EXOSC6: variants seen among roughly 807,000 people sequenced by gnomAD.
EXOSC6 encodes exosome component 6.
EXOSC6 carries 21 observed loss-of-function variants against 16.7 expected under a neutral mutation model. The observed-to-expected ratio is 1.26, with a 90% CI of 0.89 to 1.82. The LOEUF is 1.82. Ranked by LOEUF, EXOSC6 falls within the 40% of genes most tolerant of loss-of-function variation. The probability of loss-of-function intolerance (pLI) is 0.00; values close to 1 mark genes in which losing one functional copy is unlikely to be tolerated. For synonymous variants in EXOSC6, 297 were observed against 217.1 expected, an observed-to-expected ratio of 1.37 and a Z score of -3.24; for missense variants, 538 against 415.7, an observed-to-expected ratio of 1.29 and a Z score of -2.56.
Position 70,246,806 on chromosome 16 carries a change from T to C in EXOSC6, c.*4276A>G. 5 of 583,052 alleles carry C rather than the reference T, an allele frequency of 8.6e-6. No homozygotes were observed. The South Asian group carries it at 1.0e-4, about 12-fold the overall frequency. The allele number at this position is 583,052 out of a possible 1,614,324, so 36.1% of individuals were successfully genotyped here. The stretch of plus-strand genomic sequence containing the variant: ...CTGACAACAATGAAATAGTTTATTT[T>C]CTTCAAATATTTTAAGGTACGAACG... On this transcript the variant is annotated 3_prime_UTR_variant, in exon 1 of 1. Coordinates refer to ENST00000435634, the MANE Select transcript of EXOSC6 (RefSeq NM_058219.3).
chr16:70,251,336 G>A lies in EXOSC6; in HGVS notation c.565C>T (p.Pro189Ser), dbSNP rs903686665. ...AGGAGCCAGGTGGGCGCGGGCCCCGGCGCGAGGCTGAGGCCGCAGCCCACC... is the reference window on the plus strand; with the variant it reads ...AGGAGCCAGGTGGGCGCGGGCCCCGACGCGAGGCTGAGGCCGCAGCCCACC... ...LVVGCGLSLA[P>S]GPAPTWLLDP... Residue 189 changes from proline (P) to serine (S), a missense_variant, in exon 1 of 1, where the codon CCG becomes TCG. Transcript: ENST00000435634. The A allele has an allele frequency of 5.8e-6, 8 of 1,380,082 alleles. No individual in the cohort carries two copies. In the African/African-American group the frequency reaches 1.2e-4, roughly 21 times the overall value. 85.5% of individuals were successfully genotyped at this position (1,380,082 alleles called of 1,614,324 possible).
rs544145339 is a variant in EXOSC6, at chr16:70,246,874, T to A, written c.*4208A>T. The A allele has an allele frequency of 3.5e-6, 2 of 574,474 alleles. No homozygotes were observed. The highest frequency in any genetic ancestry group is 6.3e-6 in the Non-Finnish European group (2 of 318,198). The allele number at this position is 574,474 out of a possible 1,614,324, so 35.6% of individuals were successfully genotyped here. A position where few individuals can be genotyped will look rare whatever the true frequency, so the allele number is the denominator to read the frequency against. On this transcript the variant is annotated 3_prime_UTR_variant, in exon 1 of 1. Transcript: ENST00000435634. ...GCATTTAACCCTGGAACCTCAAATA[T>A]CACTGATTATACTCAAAGGAGCAGA...
chr16:70,251,805 G>T lies in EXOSC6; in HGVS notation c.96C>A (p.Asp32Glu). 6.6e-7 allele frequency: 1 copy of T among 1,517,572 alleles called. No homozygotes were observed. Among genetic ancestry groups the T allele is most frequent in the Non-Finnish European group, 8.8e-7 (1 of 1,142,708 alleles). The allele number at this position is 1,517,572 out of a possible 1,614,324, so 94.0% of individuals were successfully genotyped here. The change falls in exon 1 of 1, where the codon GAC becomes GAA. Residue 32 changes from aspartate (D) to glutamate (E), a missense_variant. By Grantham distance (45) the Asp-to-Glu change is conservative. Coordinates refer to ENST00000435634, the MANE Select transcript of EXOSC6 (RefSeq NM_058219.3). ...CGTACACGGGCCGTAGCCGCGTTGG[G>T]TCGCGGGTGCCGGGCGCCTCCTCCT... is the stretch of plus-strand genomic sequence containing the variant. The part of the protein sequence containing the change: ...ADEEEAPGTR[D>E]PTRLRPVYAR...
chr16:70,250,995 C>G lies in EXOSC6; in HGVS notation c.*87G>C, dbSNP rs1029261091. The stretch of plus-strand genomic sequence containing the variant: ...AGGGCCCTTCCAGGAATTCTCGACG[C>G]AAACTGGAGGCCGATGGCGCGGGTC... On this transcript the variant is annotated 3_prime_UTR_variant, in exon 1 of 1. Transcript: ENST00000435634. 3.4e-5 allele frequency: 48 copies of G among 1,404,200 alleles called. No homozygotes were observed. Among genetic ancestry groups the G allele is most frequent in the Non-Finnish European group, 4.2e-5 (45 of 1,082,300 alleles). The allele number at this position is 1,404,200 out of a possible 1,614,324, so 87.0% of individuals were successfully genotyped here. A position where few individuals can be genotyped will look rare whatever the true frequency, so the allele number is the denominator to read the frequency against.
In EXOSC6 at chr16:70,250,258, G is replaced by A. The variant is rs920834946; in HGVS notation, c.*824C>T. 3.9e-5 allele frequency: 6 copies of A among 151,972 alleles called. No homozygotes were observed. The highest frequency in any genetic ancestry group is 8.8e-5 in the Non-Finnish European group (6 of 68,024). 9.4% of individuals were successfully genotyped at this position (151,972 alleles called of 1,614,324 possible). On this transcript the variant is annotated 3_prime_UTR_variant, in exon 1 of 1. Coordinates refer to ENST00000435634, the MANE Select transcript of EXOSC6 (RefSeq NM_058219.3). ...ATCTCTACATTTTTTTTACTCAATC[G>A]ACCCTGAATGCTACAGCATTATCCA...
rs1191303589 is a variant in EXOSC6, at chr16:70,251,233, G to A, written c.668C>T (p.Ala223Val). Residue 223 changes from alanine (A) to valine (V), a missense_variant, in exon 1 of 1, where the codon GCC (alanine) becomes GTC (valine). Coordinates refer to ENST00000435634, the MANE Select transcript of EXOSC6 (RefSeq NM_058219.3). ...VALMPVLNQV[A>V]GLLGSGEGGL... ...GCCCTCGCCGCTGCCCAGCAGCCCG[G>A]CCACCTGATTCAGCACAGGCATGAG... 2.7e-6 allele frequency: 4 copies of A among 1,506,016 alleles called. No individual in the cohort carries two copies. Among genetic ancestry groups the A allele is most frequent in the East Asian group, 2.7e-5 (1 of 36,900 alleles). The allele number at this position is 1,506,016 out of a possible 1,614,324, so 93.3% of individuals were successfully genotyped here.
At position 70,249,014 on chromosome 16, in the gene EXOSC6, T is replaced by TAAAAAAAAA. The variant is rs34420744; in HGVS notation, c.*2059_*2067dup. 9.3e-4 allele frequency: 96 copies of TAAAAAAAAA among 103,332 alleles called. No individual in the cohort carries two copies. Among genetic ancestry groups the TAAAAAAAAA allele is most frequent in the African/African-American group, 3.5e-3 (87 of 24,894 alleles). The allele number at this position is 103,332 out of a possible 1,614,324, so 6.4% of individuals were successfully genotyped here. A position where few individuals can be genotyped will look rare whatever the true frequency, so the allele number is the denominator to read the frequency against. On this transcript the variant is annotated 3_prime_UTR_variant, in exon 1 of 1. Transcript: ENST00000435634. The stretch of plus-strand genomic sequence containing the variant: ...CCAAAATAAAGCATATCAAAAACTG[T>TAAAAAAAAA]AAAAAAAAAAAAAAAAAACCCTAAT...
chr16:70,247,025 T>C lies in EXOSC6; in HGVS notation c.*4057A>G. On this transcript the variant is annotated 3_prime_UTR_variant, in exon 1 of 1. Coordinates refer to ENST00000435634, the MANE Select transcript of EXOSC6 (RefSeq NM_058219.3). ...TGTGGAGAAAACAAGCAAATTAGGTTATTTACTAAGTGACTACATAAAAAA... is the reference window on the plus strand; with the variant it reads ...TGTGGAGAAAACAAGCAAATTAGGTCATTTACTAAGTGACTACATAAAAAA... 1 of 463,240 alleles carries C rather than the reference T, an allele frequency of 2.2e-6. No individual in the cohort carries two copies. The highest frequency in any genetic ancestry group is 4.1e-6 in the Non-Finnish European group (1 of 241,044). The allele number at this position is 463,240 out of a possible 1,614,324, so 28.7% of individuals were successfully genotyped here.
At position 70,249,999 on chromosome 16, in the gene EXOSC6, T is replaced by C. The variant is rs1390018938; in HGVS notation, c.*1083A>G. 1.3e-5 allele frequency: 2 copies of C among 152,066 alleles called. No homozygotes were observed. Among genetic ancestry groups the C allele is most frequent in the African/African-American group, 4.8e-5 (2 of 41,406 alleles). 9.4% of individuals were successfully genotyped at this position (152,066 alleles called of 1,614,324 possible). A position where few individuals can be genotyped will look rare whatever the true frequency, so the allele number is the denominator to read the frequency against. ...AAAGCTGCTATTCTCCATTAATACC[T>C]GCAGGCCCGACAAAGGCAGCCTAGG... On this transcript the variant is annotated 3_prime_UTR_variant, in exon 1 of 1. Coordinates refer to ENST00000435634, the MANE Select transcript of EXOSC6 (RefSeq NM_058219.3).
In EXOSC6 at chr16:70,251,331, C is replaced by A; in HGVS notation, c.570G>T (p.Gly190=). Residue 190 remains glycine (G), a synonymous_variant, in exon 1 of 1, where the codon GGG becomes GGT. Coordinates refer to ENST00000435634, the MANE Select transcript of EXOSC6 (RefSeq NM_058219.3). Reference sequence around the variant, plus strand: ...GGTCCAGGAGCCAGGTGGGCGCGGGCCCCGGCGCGAGGCTGAGGCCGCAGC... The same window carrying A: ...GGTCCAGGAGCCAGGTGGGCGCGGGACCCGGCGCGAGGCTGAGGCCGCAGC... The part of the protein sequence containing the change: ...VVGCGLSLAP[G]PAPTWLLDPT... The A allele has an allele frequency of 7.2e-7, 1 of 1,379,390 alleles. No homozygotes were observed. Among genetic ancestry groups the A allele is most frequent in the Non-Finnish European group, 9.3e-7 (1 of 1,072,760 alleles). 85.4% of individuals were successfully genotyped at this position (1,379,390 alleles called of 1,614,324 possible). A position where few individuals can be genotyped will look rare whatever the true frequency, so the allele number is the denominator to read the frequency against.
In EXOSC6 at chr16:70,251,041, ACGGTCCTCGGCTTG is replaced by A; in HGVS notation, c.*27_*40del. Reference sequence around the variant, plus strand: ...GGGTCTTTTCGTGGACGGCGGCAGCACGGTCCTCGGCTTGCGTCCGTAGTTGCTCAGGCTTCTGG... The same window carrying A: ...GGGTCTTTTCGTGGACGGCGGCAGCACGTCCGTAGTTGCTCAGGCTTCTGG... On this transcript the variant is annotated 3_prime_UTR_variant, in exon 1 of 1. Coordinates refer to ENST00000435634, the MANE Select transcript of EXOSC6 (RefSeq NM_058219.3). 7.0e-7 allele frequency: 1 copy of A among 1,431,208 alleles called. No individual in the cohort carries two copies. The highest frequency in any genetic ancestry group is 9.1e-7 in the Non-Finnish European group (1 of 1,099,788). The allele number at this position is 1,431,208 out of a possible 1,614,324, so 88.7% of individuals were successfully genotyped here.
Position 70,246,987 on chromosome 16 carries a change from A to G in EXOSC6, c.*4095T>C, listed in dbSNP as rs574288709. ...ATCTGAAAAGCGAAATGAGGAATTC[A>G]CCCTAAAATTAGTGTGGAGAAAACA... On this transcript the variant is annotated 3_prime_UTR_variant, in exon 1 of 1. Coordinates refer to ENST00000435634, the MANE Select transcript of EXOSC6 (RefSeq NM_058219.3). The G allele has an allele frequency of 9.3e-5, 48 of 516,540 alleles. No individual in the cohort carries two copies. Among genetic ancestry groups the G allele is most frequent in the South Asian group, 6.9e-4 (47 of 68,178 alleles). 32.0% of individuals were successfully genotyped at this position (516,540 alleles called of 1,614,324 possible).
chr16:70,248,807 G>T lies in EXOSC6; in HGVS notation c.*2275C>A, dbSNP rs1412248288. On this transcript the variant is annotated 3_prime_UTR_variant, in exon 1 of 1. Coordinates refer to ENST00000435634, the MANE Select transcript of EXOSC6 (RefSeq NM_058219.3). ...TTTTTTTTTTTTTTGATAGAAACAG[G>T]GTTTCACCTTGTTGCCCAGGCTGGT... The T allele has an allele frequency of 1.5e-5, 2 of 135,934 alleles. No individual in the cohort carries two copies. Among genetic ancestry groups the T allele is most frequent in the Non-Finnish European group, 3.1e-5 (2 of 64,520 alleles). The allele number at this position is 135,934 out of a possible 1,614,324, so 8.4% of individuals were successfully genotyped here.
In EXOSC6 at chr16:70,247,765, T is replaced by C. The variant is rs553412705; in HGVS notation, c.*3317A>G. The C allele has an allele frequency of 1.3e-5, 2 of 152,256 alleles. No homozygotes were observed. The highest frequency in any genetic ancestry group is 1.9e-4 in the East Asian group (1 of 5,192). 9.4% of individuals were successfully genotyped at this position (152,256 alleles called of 1,614,324 possible). On this transcript the variant is annotated 3_prime_UTR_variant, in exon 1 of 1. Transcript: ENST00000435634. ...AAGAAATGCTAGAATCAGAAAACCA[T>C]CATTTTAGGCTGGGTGCAGTGGCTC...
In EXOSC6 at chr16:70,251,204, G is replaced by C; in HGVS notation, c.697C>G (p.Leu233Val). The change falls in exon 1 of 1, where the codon CTG (leucine) becomes GTG (valine). Residue 233 changes from leucine (L) to valine (V), a missense_variant. Transcript: ENST00000435634. ...ACGGCCTCCGCCCAGCTCTCTGTCA[G>C]GCCGCCCTCGCCGCTGCCCAGCAGC... ...AGLLGSGEGG[L>V]TESWAEAVRL... The C allele has an allele frequency of 6.6e-7, 1 of 1,511,416 alleles. No individual in the cohort carries two copies. The highest frequency in any genetic ancestry group is 8.8e-7 in the Non-Finnish European group (1 of 1,137,540). The allele number at this position is 1,511,416 out of a possible 1,614,324, so 93.6% of individuals were successfully genotyped here. A position where few individuals can be genotyped will look rare whatever the true frequency, so the allele number is the denominator to read the frequency against.
chr16:70,248,737 G>T lies in EXOSC6; in HGVS notation c.*2345C>A, dbSNP rs1314399315. ...CAGCCTTCAAGTAGCTGGGACTACAGGTGCATACCACCATGCCTGACTTAT... is the reference window on the plus strand; with the variant it reads ...CAGCCTTCAAGTAGCTGGGACTACATGTGCATACCACCATGCCTGACTTAT... On this transcript the variant is annotated 3_prime_UTR_variant, in exon 1 of 1. Coordinates refer to ENST00000435634, the MANE Select transcript of EXOSC6 (RefSeq NM_058219.3). 6.6e-6 allele frequency: 1 copy of T among 151,022 alleles called. No individual in the cohort carries two copies. The highest frequency in any genetic ancestry group is 2.4e-5 in the African/African-American group (1 of 41,050). The allele number at this position is 151,022 out of a possible 1,614,324, so 9.4% of individuals were successfully genotyped here. A position where few individuals can be genotyped will look rare whatever the true frequency, so the allele number is the denominator to read the frequency against.
rs144728576 is a variant in EXOSC6, at chr16:70,251,232, G to T, written c.669C>A (p.Ala223=). 2.3e-3 allele frequency: 3,412 copies of T among 1,506,066 alleles called. 60 individuals are homozygous for T. The African/African-American group carries it at 0.042, about 19-fold the overall frequency. The allele number at this position is 1,506,066 out of a possible 1,614,324, so 93.3% of individuals were successfully genotyped here. Residue 223 remains alanine (A), a synonymous_variant, in exon 1 of 1, where the codon GCC becomes GCA. Coordinates refer to ENST00000435634, the MANE Select transcript of EXOSC6 (RefSeq NM_058219.3). ...CGCCCTCGCCGCTGCCCAGCAGCCCGGCCACCTGATTCAGCACAGGCATGA... is the reference window on the plus strand; with the variant it reads ...CGCCCTCGCCGCTGCCCAGCAGCCCTGCCACCTGATTCAGCACAGGCATGA... The part of the protein sequence containing the change: ...VALMPVLNQV[A]GLLGSGEGGL...
Position 70,248,544 on chromosome 16 carries a change from A to T in EXOSC6, c.*2538T>A, listed in dbSNP as rs1333785498. On this transcript the variant is annotated 3_prime_UTR_variant, in exon 1 of 1. Transcript: ENST00000435634. ...GGTGGCATTCTGTTCAGTTACAGGT[A>T]ATTTTCTGAATCTTCCCTCAAATTT... is the stretch of plus-strand genomic sequence containing the variant. 6.6e-6 allele frequency: 1 copy of T among 152,108 alleles called. No individual in the cohort carries two copies. The highest frequency in any genetic ancestry group is 1.5e-5 in the Non-Finnish European group (1 of 68,016). The allele number at this position is 152,108 out of a possible 1,614,324, so 9.4% of individuals were successfully genotyped here. A position where few individuals can be genotyped will look rare whatever the true frequency, so the allele number is the denominator to read the frequency against.
In EXOSC6 at chr16:70,251,267, T is replaced by A; in HGVS notation, c.634A>T (p.Thr212Ser). 1 of 1,457,208 alleles carries A rather than the reference T, an allele frequency of 6.9e-7. No homozygotes were observed. The highest frequency in any genetic ancestry group is 1.3e-5 in the South Asian group (1 of 75,322). The allele number at this position is 1,457,208 out of a possible 1,614,324, so 90.3% of individuals were successfully genotyped here. A position where few individuals can be genotyped will look rare whatever the true frequency, so the allele number is the denominator to read the frequency against. Residue 212 changes from threonine to serine, a missense_variant, in exon 1 of 1, where the codon ACC (threonine) becomes TCC (serine). Physicochemically the swap from Thr to Ser is moderately conservative, Grantham distance 58. Transcript: ENST00000435634. ...LEEERAAAGL[T>S]VALMPVLNQV... is the part of the protein sequence containing the mutation. ...TTCAGCACAGGCATGAGCGCCACGG[T>A]GAGGCCGGCGGCGGCGCGCTCTTCC... is the stretch of plus-strand genomic sequence containing the variant.
Sources: gnomAD v4.1 joint callset for allele counts on GRCh38, gnomAD v4.1.1 for gene constraint, MANE v1.5 for transcripts, NCBI Gene and HGNC (gene_info 2026-07-23, HGNC 2026-07-21) for gene names.